ATG5: variants seen among roughly 807,000 people sequenced by gnomAD.
ATG5 encodes autophagy related 5.
In ATG5, 14 loss-of-function variants were observed where a neutral mutation model predicts 36.5. The ratio of observed to expected loss-of-function variants is 0.38; its 90% CI spans 0.25 to 0.60. The LOEUF (loss-of-function observed/expected upper bound fraction) is 0.60, where lower values mean the gene tolerates loss of function less well. Among genes scored for constraint, ATG5 ranks in the 20% least tolerant of loss-of-function variants. ATG5 has a pLI of 0.60. For missense variants in ATG5, 195 were observed against 326.7 expected, an observed-to-expected ratio of 0.60 and a Z score of 3.11; for synonymous variants, 95 against 101.5, an observed-to-expected ratio of 0.94 and a Z score of 0.38.
chr6:106,313,179 A>G (rs1582688817), intron 2 of ATG5, among the ~76,000 whole-genome samples: 1 of 152,240 alleles, frequency 6.6e-6, no homozygotes, highest in Non-Finnish European at 1.5e-5. Flanking sequence ...TTCTTCCATT[A>G]TAACAGGAGG....
chr6:106,241,280 G>A (rs1778114400), intron 6 of ATG5, among the ~76,000 whole-genome samples: 1 of 152,164 alleles, frequency 6.6e-6, no homozygotes, highest in African/African-American at 2.4e-5. Flanking sequence ...AAGATGCAGA[G>A]CACTATTCAT....
chr6:106,222,921 C>G (rs2114433895), intron 6 of ATG5, among the ~76,000 whole-genome samples: 1 of 152,248 alleles, frequency 6.6e-6, no homozygotes, highest in South Asian at 2.1e-4. Context: ...ATGTTAGCTG[C>G]TATTATTATT....
At chr6:106,294,185 C>T (rs758902687) in intron 3 of ATG5, among the ~76,000 whole-genome samples, 7 of 152,084 alleles carry the variant, frequency 4.6e-5, no homozygotes, top group African/African-American at 9.7e-5. Context: ...AAGAAGACTA[C>T]TTGGTGTTAT....
At chr6:106,282,631 G>A (rs531095336) in intron 4 of ATG5, among the ~76,000 whole-genome samples, 1 of 152,286 alleles carries the variant, frequency 6.6e-6, no homozygotes, top group East Asian at 1.9e-4. Flanking sequence ...GACTTTAACT[G>A]TAGGCTTTTC....
intron 4 of ATG5, among the ~76,000 whole-genome samples, chr6:106,289,784 A>C (rs1780229130): frequency 6.6e-6 from 1 of 152,196 alleles, no homozygotes; most frequent in South Asian, 2.1e-4. Context: ...AACAAAAAAA[A>C]CAGGAACACT....
chr6:106,279,004 G>A (rs1212930002), intron 5 of ATG5, among the ~76,000 whole-genome samples: 1 of 152,202 alleles, frequency 6.6e-6, no homozygotes, highest in African/African-American at 2.4e-5. Flanking sequence ...GGGACCTGGT[G>A]TTACTTAACT....
chr6:106,265,008 A>G (rs1779173075), intron 5 of ATG5, among the ~76,000 whole-genome samples: 1 of 152,192 alleles, frequency 6.6e-6, no homozygotes. Flanking sequence ...CCTTAAATGT[A>G]AATGGGATAA....
chr6:106,298,510 G>A (rs965107754), intron 3 of ATG5, among the ~76,000 whole-genome samples: 6 of 151,810 alleles, frequency 4.0e-5, no homozygotes, highest in South Asian at 4.2e-4. Flanking sequence ...AAGATAGTGC[G>A]ACTGCACTCC....
chr6:106,261,650 T>A (rs1779024731), intron 5 of ATG5, among the ~76,000 whole-genome samples: 1 of 152,238 alleles, frequency 6.6e-6, no homozygotes, highest in South Asian at 2.1e-4. Context: ...CAGTTTTACC[T>A]ATTAACTCCA....
intron 5 of ATG5, among the ~76,000 whole-genome samples, chr6:106,273,952 C>T (rs142905381): frequency 6.6e-6 from 1 of 152,296 alleles, no homozygotes; most frequent in East Asian, 1.9e-4. Context: ...GTTAAAATGG[C>T]ACACTATCAA....
intron 6 of ATG5, among the ~76,000 whole-genome samples, chr6:106,214,728 C>T (rs1193785560): frequency 1.3e-5 from 2 of 152,150 alleles, no homozygotes; most frequent in African/African-American, 4.8e-5. Flanking sequence ...CTCTTCGTAT[C>T]CTTTGACTGA....
intron 5 of ATG5, among the ~76,000 whole-genome samples, chr6:106,258,735 C>T (rs577330411): frequency 3.9e-4 from 60 of 152,208 alleles, no homozygotes; most frequent in African/African-American, 1.4e-3. Context: ...CAATGTTCAG[C>T]CAATTCAGGA....
At chr6:106,238,933 G>A (rs577749054) in intron 6 of ATG5, among the ~76,000 whole-genome samples, 20 of 152,164 alleles carry the variant, frequency 1.3e-4, no homozygotes, top group East Asian at 3.9e-4. Flanking sequence ...TGGAGGGGGG[G>A]AACCCAATAA....
chr6:106,296,589 G>A (rs1173596150), intron 3 of ATG5, among the ~76,000 whole-genome samples: 4 of 152,116 alleles, frequency 2.6e-5, no homozygotes, highest in Admixed American at 6.5e-5. Context: ...AGGCTGAGGC[G>A]GGTGGTTCAC....
chr6:106,295,564 A>AT (rs71549459), intron 3 of ATG5, among the ~76,000 whole-genome samples: 15,465 of 142,218 alleles, frequency 0.11, 882 homozygotes, highest in African/African-American at 0.15. Context: ...AAATCAAGTA[A>AT]TTTTTTTTTT....
intron 5 of ATG5, among the ~76,000 whole-genome samples, chr6:106,251,581 T>C (rs1016551014): frequency 4.5e-5 from 3 of 66,538 alleles, no homozygotes; most frequent in African/African-American, 1.8e-4. Flanking sequence ...AGAAACGCTA[T>C]ATTCTTATAT....
At chr6:106,240,045 T>C (rs1411219933) in intron 6 of ATG5, among the ~76,000 whole-genome samples, 1 of 152,044 alleles carries the variant, frequency 6.6e-6, no homozygotes, top group African/African-American at 2.4e-5. Context: ...CAGGCTGGAC[T>C]GTAGTGGCAT....
At chr6:106,300,796 T>C (rs538496441) in intron 3 of ATG5, among the ~76,000 whole-genome samples, 1 of 152,100 alleles carries the variant, frequency 6.6e-6, no homozygotes, top group Non-Finnish European at 1.5e-5. Context: ...CGGTCCATCA[T>C]TGACCAAAAT....
At chr6:106,308,785 A>C (rs890328562) in intron 2 of ATG5, among the ~76,000 whole-genome samples, 1 of 152,232 alleles carries the variant, frequency 6.6e-6, no homozygotes, top group Non-Finnish European at 1.5e-5. Flanking sequence ...ATTAGATGTC[A>C]TACTATTTAG....
Sources: gnomAD v4.1 joint callset for allele counts (sites outside exome capture counted in the v4.1 genomes callset) on GRCh38, gnomAD v4.1.1 for gene constraint, MANE v1.5 for transcripts, NCBI Gene and HGNC (gene_info 2026-07-23, HGNC 2026-07-21) for gene names.